Variants in C3orf20 observed in about 807,000 individuals in gnomAD.
C3orf20 encodes the protein family with sequence similarity 149 member C.
In C3orf20, 76 loss-of-function variants were observed where a neutral mutation model predicts 88.3. That is an observed-to-expected ratio of 0.86 (90% CI 0.72 to 1.04). The LOEUF (loss-of-function observed/expected upper bound fraction) is 1.04, where lower values mean the gene tolerates loss of function less well. Among genes scored for constraint, C3orf20 ranks in the 50% least tolerant of loss-of-function variants. The pLI is 0.00. For missense variants in C3orf20, 1,056 were observed against 1,123.3 expected, an observed-to-expected ratio of 0.94 and a Z score of 0.86; for synonymous variants, 436 against 437.4, an observed-to-expected ratio of 1.00 and a Z score of 0.04.
intron 9 of C3orf20, among the ~76,000 whole-genome samples, chr3:14,716,556 T>C (rs957203335): frequency 6.6e-6 from 1 of 152,164 alleles, no homozygotes; most frequent in Non-Finnish European, 1.5e-5. Context: ...CTTAGGAATA[T>C]TCACTCCCTT....
At chr3:14,716,946 G>T (rs2033965084) in intron 9 of C3orf20, among the ~76,000 whole-genome samples, 1 of 152,162 alleles carries the variant, frequency 6.6e-6, no homozygotes, top group African/African-American at 2.4e-5. Context: ...GGGGTGTGTT[G>T]TGTTGTTTTC....
rs1441367007 is a variant in C3orf20, at chr3:14,768,856, GC to G, written c.2496-3206del. On this transcript the variant is annotated intron_variant, in intron 15 of 16. Transcript: ENST00000253697. The surrounding 1 kb of genome is among the most constrained non-coding windows in gnomAD (Gnocchi z 4.1). ...CCTGGAGGGACTGGCCTGTTGCAAA[GC>G]CCCCGATGGTCTTTTTTGCTTATCC... Among the ~76,000 whole-genome samples the G allele has an allele frequency of 6.6e-6, 1 of 152,004 alleles. No individual in the cohort carries two copies. Among genetic ancestry groups the G allele is most frequent in the East Asian group, 1.9e-4 (1 of 5,192 alleles).
chr3:14,687,986 C>T (rs759089161), intron 4 of C3orf20, among the ~76,000 whole-genome samples: 1 of 152,128 alleles, frequency 6.6e-6, no homozygotes, highest in Non-Finnish European at 1.5e-5. Flanking sequence ...TGCAGACGCT[C>T]CTCTCTTTAA....
intron 1 of C3orf20, among the ~76,000 whole-genome samples, chr3:14,679,686 C>A (rs2031980091): frequency 6.6e-6 from 1 of 152,166 alleles, no homozygotes; most frequent in Non-Finnish European, 1.5e-5. Context: ...AAGGCAGTCT[C>A]CTTCAAACAG....
At chr3:14,767,529 G>A (rs1431273694) in intron 15 of C3orf20, 1 of 152,250 alleles carries the variant, frequency 6.6e-6, no homozygotes, top group African/African-American at 2.4e-5. Flanking sequence ...AGAGGAGTGA[G>A]TTGAGAGGAT....
At chr3:14,709,750 A>C (rs888940647) in intron 7 of C3orf20, among the ~76,000 whole-genome samples, 6 of 152,170 alleles carry the variant, frequency 3.9e-5, no homozygotes, top group Non-Finnish European at 8.8e-5. Flanking sequence ...TCCTTTTGAT[A>C]GGCTGCTGCT....
intron 9 of C3orf20, among the ~76,000 whole-genome samples, chr3:14,718,550 T>C (rs890107799): frequency 1.3e-5 from 2 of 152,226 alleles, no homozygotes; most frequent in African/African-American, 2.4e-5. Context: ...TTGGCCTCTG[T>C]TGATTATCTG....
intron 15 of C3orf20, among the ~76,000 whole-genome samples, chr3:14,764,775 T>G (rs2035657521): frequency 6.6e-6 from 1 of 152,130 alleles, no homozygotes; most frequent in South Asian, 2.1e-4. Context: ...AAGAGGGAGC[T>G]TCCCAGGAAA....
In C3orf20 at chr3:14,721,687, A is replaced by G; in HGVS notation, c.1469A>G (p.Gln490Arg). 6.2e-7 allele frequency: 1 copy of G among 1,614,206 alleles called. No individual in the cohort carries two copies. Among genetic ancestry groups the G allele is most frequent in the Non-Finnish European group, 8.5e-7 (1 of 1,180,024 alleles). Residue 490 changes from glutamine to arginine, a missense_variant, in exon 10 of 17, where the codon CAG becomes CGG. By Grantham distance (43) the Gln-to-Arg change is conservative. Coordinates refer to ENST00000253697, the MANE Select transcript of C3orf20 (RefSeq NM_032137.5). ...GAAATGAAACTAAAGGTACTGGGAC[A>G]GGACTCCATCACAGTCACCTTCACC... is the stretch of plus-strand genomic sequence containing the variant. ...NEEMKLKVLGQDSITVTFTSL... is the reference protein window; with the variant it reads ...NEEMKLKVLGRDSITVTFTSL...
At chr3:14,700,047 A>G (rs145435639) in intron 5 of C3orf20, among the ~76,000 whole-genome samples, 194 of 152,316 alleles carry the variant, frequency 1.3e-3, no homozygotes, top group African/African-American at 4.4e-3. Flanking sequence ...ACTGAGTTCA[A>G]TGTAAAGTCT....
At chr3:14,692,072 C>A (rs1421683112) in intron 5 of C3orf20, among the ~76,000 whole-genome samples, 1 of 152,154 alleles carries the variant, frequency 6.6e-6, no homozygotes, top group East Asian at 1.9e-4. Flanking sequence ...ATGACAGGAT[C>A]TCATTCTCTT....
Position 14,715,171 on chromosome 3 carries a change from C to T in C3orf20, c.1314-118C>T, listed in dbSNP as rs1575119104. 19 of 1,300,254 alleles carry T rather than the reference C, an allele frequency of 1.5e-5. No homozygotes were observed. In the East Asian group the frequency reaches 4.4e-4, roughly 30 times the overall value. The allele number at this position is 1,300,254 out of a possible 1,614,324, so 80.5% of individuals were successfully genotyped here. A position where few individuals can be genotyped will look rare whatever the true frequency, so the allele number is the denominator to read the frequency against. On this transcript the variant is annotated intron_variant, in intron 8 of 16. Transcript: ENST00000253697. ...GGGGAAAGTAAGGTTGACTGCAGGA[C>T]TCCACCACTCCTCCAGCCTGGGACT...
chr3:14,730,354 T>C (rs1012362316), intron 12 of C3orf20, among the ~76,000 whole-genome samples: 1 of 152,156 alleles, frequency 6.6e-6, no homozygotes, highest in Non-Finnish European at 1.5e-5. Flanking sequence ...GAGACCATCC[T>C]GGCTAACATG....
intron 12 of C3orf20, among the ~76,000 whole-genome samples, chr3:14,731,541 C>G (rs1216762220): frequency 6.6e-6 from 1 of 152,192 alleles, no homozygotes; most frequent in Non-Finnish European, 1.5e-5. Flanking sequence ...AGAGGACACA[C>G]CTAGCATGCT....
chr3:14,749,320 A>G (rs1029490915), intron 12 of C3orf20, among the ~76,000 whole-genome samples: 4 of 151,896 alleles, frequency 2.6e-5, no homozygotes, highest in Admixed American at 1.3e-4. Context: ...TTTGTTTTCA[A>G]TCTTTCATTT....
At chr3:14,742,212 A>G (rs2034921274) in intron 12 of C3orf20, among the ~76,000 whole-genome samples, 1 of 152,260 alleles carries the variant, frequency 6.6e-6, no homozygotes, top group South Asian at 2.1e-4. Context: ...ATATGCTGTC[A>G]AAGATGGTAG....
At position 14,682,690 on chromosome 3, in the gene C3orf20, TC is replaced by T; in HGVS notation, c.-23del. On this transcript the variant is annotated 5_prime_UTR_variant, in exon 3 of 17. Transcript: ENST00000253697. ...CTCTCAGTCACCTCTCAGAGAGCTCTCTTTATAGCTGAAGGTCCCTCTCATG... is the reference window on the plus strand; with the variant it reads ...CTCTCAGTCACCTCTCAGAGAGCTCTTTTATAGCTGAAGGTCCCTCTCATG... 6.3e-7 allele frequency: 1 copy of T among 1,577,930 alleles called. No homozygotes were observed. Among genetic ancestry groups the T allele is most frequent in the South Asian group, 1.2e-5 (1 of 84,304 alleles).
rs1456673899 is a variant in C3orf20, at chr3:14,772,915, CG to C, written c.*44del. 6.5e-7 allele frequency: 1 copy of C among 1,544,618 alleles called. No individual in the cohort carries two copies. Among genetic ancestry groups the C allele is most frequent in the Non-Finnish European group, 8.9e-7 (1 of 1,118,722 alleles). ...CAGCCAAGTGAGCCAGGCCCCGGCC[CG>C]GGGTGCTGGGGCTTCTTGCCAGCCC... On this transcript the variant is annotated 3_prime_UTR_variant, in exon 17 of 17. Transcript: ENST00000253697. This position sits in a 1 kb window ranked among gnomAD's most constrained non-coding sequence, Gnocchi z 4.2.
intron 4 of C3orf20, among the ~76,000 whole-genome samples, chr3:14,686,792 C>A (rs920871748): frequency 1.3e-5 from 2 of 152,208 alleles, no homozygotes; most frequent in African/African-American, 2.4e-5. Context: ...TAAAAAAATT[C>A]TATCTCCTAA....
Sources: allele counts gnomAD v4.1 joint callset (sites outside exome capture counted in the v4.1 genomes callset), GRCh38; gene constraint gnomAD v4.1.1; non-coding constraint Gnocchi (gnomAD v3.1); transcripts MANE v1.5; gene names NCBI Gene and HGNC (gene_info 2026-07-23, HGNC 2026-07-21).